The following KCNQ2 variants were observed in gnomAD, a reference collection of about 807,000 sequenced individuals.
The protein encoded by KCNQ2 is potassium voltage-gated channel subfamily KQT member 2.
A neutral mutation model predicts 84.8 loss-of-function variants in KCNQ2; 14 were observed. The observed-to-expected ratio is 0.17, with a 90% confidence interval of 0.11 to 0.26. The LOEUF is 0.26. KCNQ2 is among the 10% of genes least tolerant of loss of function. KCNQ2 has a pLI of 1.00. For synonymous variants in KCNQ2, 599 were observed against 554.1 expected, an observed-to-expected ratio of 1.08 and a Z score of -1.14; for missense variants, 788 against 1,254.0, an observed-to-expected ratio of 0.63 and a Z score of 5.61.
intron 1 of KCNQ2, among the ~76,000 whole-genome samples, chr20:63,464,779 A>C (rs916031313): frequency 6.6e-6 from 1 of 152,172 alleles, no homozygotes; most frequent in African/African-American, 2.4e-5. Flanking sequence ...ATTGATCCGC[A>C]TTCAAACTTG....
In KCNQ2 at chr20:63,405,282, G is replaced by GC. The variant is rs2079903398; in HGVS notation, c.*1361dup. ...CAGGGAGCCCAGGCCCGCCTGCGACGCCGTCACGCCAAATGCCAGATGCTC... is the reference window on the plus strand; with the variant it reads ...CAGGGAGCCCAGGCCCGCCTGCGACGCCCGTCACGCCAAATGCCAGATGCTC... On this transcript the variant is annotated 3_prime_UTR_variant, in exon 17 of 17. Transcript: ENST00000359125. 1 of 152,290 alleles carries GC rather than the reference G, an allele frequency of 6.6e-6. No homozygotes were observed. The highest frequency in any genetic ancestry group is 1.5e-5 in the Non-Finnish European group (1 of 68,128). The allele number at this position is 152,290 out of a possible 1,614,324, so 9.4% of individuals were successfully genotyped here.
chr20:63,459,580 AG>A (rs1463273665), intron 1 of KCNQ2: 1 of 152,194 alleles, frequency 6.6e-6, no homozygotes, highest in African/African-American at 2.4e-5. Context: ...GGCAACTGCC[AG>A]GGACAGGGTG....
intron 8 of KCNQ2, chr20:63,433,591 AG>A (rs35032078): frequency 1.2e-6 from 1 of 842,174 alleles, no homozygotes; most frequent in East Asian, 2.6e-5. Context: ...GATAAAGCAA[AG>A]GGGTGAGGAA....
chr20:63,424,832 G>A (rs1205165668), intron 10 of KCNQ2, among the ~76,000 whole-genome samples: 3 of 152,330 alleles, frequency 2.0e-5, no homozygotes, highest in East Asian at 1.9e-4. Context: ...AGAGATCGGC[G>A]GATCGTGATT....
chr20:63,431,896 A>G (rs1215823449), intron 8 of KCNQ2, among the ~76,000 whole-genome samples: 3 of 150,474 alleles, frequency 2.0e-5, no homozygotes, highest in African/African-American at 7.4e-5. Flanking sequence ...GCCCACAGGG[A>G]AGGCCCCACC....
At position 63,446,704 on chromosome 20, in the gene KCNQ2, C is replaced by A; in HGVS notation, c.387+43G>T. On this transcript the variant is annotated intron_variant, in intron 2 of 16. Coordinates refer to ENST00000359125, the MANE Select transcript of KCNQ2 (RefSeq NM_172107.4). The surrounding 1 kb of genome is among the most constrained non-coding windows in gnomAD (Gnocchi z 5.5). Reference sequence around the variant, plus strand: ...GACAGACGCCCAGGCAGCTCCAGCTCCTTCCTGGGCACTTCCAGCCCCCGC... The same window carrying A: ...GACAGACGCCCAGGCAGCTCCAGCTACTTCCTGGGCACTTCCAGCCCCCGC... 5 of 1,524,134 alleles carry A rather than the reference C, an allele frequency of 3.3e-6. No homozygotes were observed. The highest frequency in any genetic ancestry group is 4.6e-6 in the Non-Finnish European group (5 of 1,098,830). The allele number at this position is 1,524,134 out of a possible 1,614,324, so 94.4% of individuals were successfully genotyped here.
intron 12 of KCNQ2, among the ~76,000 whole-genome samples, chr20:63,417,868 G>A (rs1219806398): frequency 2.0e-5 from 3 of 152,162 alleles, no homozygotes; most frequent in Non-Finnish European, 4.4e-5. Context: ...ACAGCCCCAG[G>A]GGCCGCCGGG....
intron 4 of KCNQ2, among the ~76,000 whole-genome samples, chr20:63,442,854 C>CCAT (rs1568934825): frequency 2.5e-4 from 10 of 39,986 alleles, no homozygotes; most frequent in East Asian, 9.2e-4. Flanking sequence ...ATCACCATCA[C>CCAT]CACCACCATC....
chr20:63,451,988 C>T (rs965689345), intron 1 of KCNQ2, among the ~76,000 whole-genome samples: 1 of 152,266 alleles, frequency 6.6e-6, no homozygotes, highest in East Asian at 1.9e-4. Context: ...CCCGGGACCA[C>T]ACAGTCTGAA....
At chr20:63,429,788 C>T (rs544930285) in intron 9 of KCNQ2, among the ~76,000 whole-genome samples, 4 of 152,214 alleles carry the variant, frequency 2.6e-5, no homozygotes, top group South Asian at 2.1e-4. Context: ...CCTCCCTGCA[C>T]CCCACCAGCC....
chr20:63,451,731 C>T (rs1035440998), intron 1 of KCNQ2, among the ~76,000 whole-genome samples: 1 of 152,090 alleles, frequency 6.6e-6, no homozygotes, highest in African/African-American at 2.4e-5. Flanking sequence ...CCCCACTGAA[C>T]ACCCTCTGGA....
Position 63,439,717 on chromosome 20 carries a change from C to T in KCNQ2, c.817-9G>A, listed in dbSNP as rs370692503. 5.6e-6 allele frequency: 9 copies of T among 1,601,864 alleles called. No individual in the cohort carries two copies. The highest frequency in any genetic ancestry group is 1.1e-5 in the South Asian group (1 of 90,838). ...ATGGTGGTCAGCGTGATCTGTGGGA[C>T]CGCAGGCTCTAGTCACACGAAGGGC... On this transcript the variant is annotated splice_polypyrimidine_tract_variant and intron_variant, in intron 5 of 16. Coordinates refer to ENST00000359125, the MANE Select transcript of KCNQ2 (RefSeq NM_172107.4).
At chr20:63,431,241 G>T in intron 9 of KCNQ2, 99 bp downstream of exon 9, 1 of 1,358,190 alleles carries the variant, frequency 7.4e-7, no homozygotes, top group Non-Finnish European at 1.1e-6. Context: ...TCTGCAGACC[G>T]GGTGGGCCAC....
chr20:63,411,013 G>A (rs988438096), intron 15 of KCNQ2: 2 of 456,256 alleles, frequency 4.4e-6, no homozygotes, highest in Non-Finnish European at 4.4e-6. Flanking sequence ...AATCACTAAA[G>A]AACTGGCTTC....
rs779609892 is a variant in KCNQ2, at chr20:63,407,149, G to A, written c.2114C>T (p.Pro705Leu). 1.2e-5 allele frequency: 19 copies of A among 1,581,818 alleles called. No homozygotes were observed. Among genetic ancestry groups the A allele is most frequent in the South Asian group, 1.0e-4 (9 of 88,170 alleles). Residue 705 changes from proline to leucine, a missense_variant, in exon 17 of 17, where the codon CCG (proline) becomes CTG (leucine). Pro to Leu is a moderately conservative substitution (Grantham distance 98). Around this residue, in one of 8 missense-constraint regions of KCNQ2, gnomAD observed 378 missense variants for 434.5 expected, o/e 0.87. Transcript: ENST00000359125. This position sits in a 1 kb window ranked among gnomAD's most constrained non-coding sequence, Gnocchi z 7.2. Reference sequence around the variant, plus strand: ...CGGACACTGGACAGGGGGCGCGGCCGGGGGCGCCGAGAAGTTCTTCTGGCC... The same window carrying A: ...CGGACACTGGACAGGGGGCGCGGCCAGGGGCGCCGAGAAGTTCTTCTGGCC... The part of the protein sequence containing the change: ...STGQKNFSAP[P>L]AAPPVQCPPS...
chr20:63,461,953 T>C (rs1461073774), intron 1 of KCNQ2, among the ~76,000 whole-genome samples: 349 of 40,392 alleles, frequency 8.6e-3, no homozygotes, highest in Middle Eastern at 0.025. Flanking sequence ...GGAGGCTGCA[T>C]CTACCCCAGG....
intron 10 of KCNQ2, among the ~76,000 whole-genome samples, chr20:63,426,031 G>A (rs1178229212): frequency 6.6e-6 from 1 of 152,218 alleles, no homozygotes; most frequent in African/African-American, 2.4e-5. Context: ...AGCCCCGCCG[G>A]CCTCTGCGGG....
chr20:63,429,678 G>T (rs1465558203), intron 9 of KCNQ2, among the ~76,000 whole-genome samples: 1 of 152,124 alleles, frequency 6.6e-6, no homozygotes, highest in Non-Finnish European at 1.5e-5. Context: ...CAAAGCAAAA[G>T]GATGGCTGAC....
intron 5 of KCNQ2, among the ~76,000 whole-genome samples, chr20:63,440,239 A>C (rs977625945): frequency 6.6e-6 from 1 of 151,716 alleles, no homozygotes; most frequent in African/African-American, 2.4e-5. Flanking sequence ...GGTTGTGCTT[A>C]GTTTCTCTAG....
Sources: allele counts gnomAD v4.1 joint callset (sites outside exome capture counted in the v4.1 genomes callset), GRCh38; gene constraint gnomAD v4.1.1; regional missense constraint gnomAD v4.1.1; non-coding constraint Gnocchi (gnomAD v3.1); transcripts MANE v1.5; gene names NCBI Gene and HGNC (gene_info 2026-07-23, HGNC 2026-07-21).